The following CCDC181 variants were observed in gnomAD, a reference collection of about 807,000 sequenced individuals.
The protein encoded by CCDC181 is coiled-coil domain-containing protein 181.
CCDC181 carries 35 observed loss-of-function variants against 58.7 expected under a neutral mutation model. The observed-to-expected ratio is 0.60, with a 90% CI of 0.46 to 0.79. The LOEUF (loss-of-function observed/expected upper bound fraction) is 0.79, where lower values mean the gene tolerates loss of function less well. CCDC181 is among the 30% of genes least tolerant of loss of function. The probability of loss-of-function intolerance (pLI) is 0.00; values close to 1 mark genes in which losing one functional copy is unlikely to be tolerated. For missense variants in CCDC181, 517 were observed against 583.9 expected, an observed-to-expected ratio of 0.89 and a Z score of 1.18; for synonymous variants, 183 against 197.5, an observed-to-expected ratio of 0.93 and a Z score of 0.62.
intron 2 of CCDC181, among the ~76,000 whole-genome samples, chr1:169,448,290 A>T (rs868534437): frequency 1.3e-5 from 2 of 152,132 alleles, no homozygotes; most frequent in African/African-American, 2.4e-5. Context: ...CCTTTTTTAA[A>T]TATAAAACTA....
chr1:169,415,191 A>T (rs1258589319), intron 4 of CCDC181, among the ~76,000 whole-genome samples: 1 of 152,244 alleles, frequency 6.6e-6, no homozygotes, highest in Non-Finnish European at 1.5e-5. Flanking sequence ...TTAAAAAATT[A>T]TAATACTTGG....
intron 2 of CCDC181, among the ~76,000 whole-genome samples, chr1:169,452,399 G>A (rs1478393400): frequency 6.6e-6 from 1 of 152,052 alleles, no homozygotes; most frequent in Non-Finnish European, 1.5e-5. Context: ...AAACTAAATA[G>A]GAGAACAGAA....
intron 4 of CCDC181, among the ~76,000 whole-genome samples, chr1:169,397,907 CATTT>C (rs1304753343): frequency 1.3e-5 from 2 of 152,300 alleles, no homozygotes; most frequent in Admixed American, 1.3e-4. Context: ...AAGATACATT[CATTT>C]AATACTTCCC....
chr1:169,397,426 A>G (rs779526783), intron 4 of CCDC181, 35 bp from the exon 5 acceptor site: 1 of 1,549,106 alleles, frequency 6.5e-7, no homozygotes, highest in Non-Finnish European at 8.7e-7. Context: ...TAGTTTAGAT[A>G]AACAAGAACT....
chr1:169,400,711 A>G (rs548264830), intron 4 of CCDC181, among the ~76,000 whole-genome samples: 17 of 152,246 alleles, frequency 1.1e-4, no homozygotes, highest in Non-Finnish European at 2.4e-4. Flanking sequence ...AAGATGGCCA[A>G]ATAGGAACAG....
chr1:169,404,809 G>T (rs574912472), intron 4 of CCDC181, among the ~76,000 whole-genome samples: 29 of 152,264 alleles, frequency 1.9e-4, no homozygotes, highest in Non-Finnish European at 2.9e-4. Flanking sequence ...GTTCTGGACA[G>T]GGCAATCAGG....
intron 4 of CCDC181, among the ~76,000 whole-genome samples, chr1:169,407,070 A>G (rs1348066437): frequency 1.3e-5 from 2 of 151,878 alleles, no homozygotes; most frequent in East Asian, 3.8e-4. Context: ...AAAAAAAAAA[A>G]AAAAGCCTTT....
At chr1:169,415,670 C>T (rs1302024887) in intron 4 of CCDC181, among the ~76,000 whole-genome samples, 1 of 152,118 alleles carries the variant, frequency 6.6e-6, no homozygotes, top group Non-Finnish European at 1.5e-5. Flanking sequence ...ACATTTGTAT[C>T]ATTTGGCTCT....
At chr1:169,426,153 A>G (rs748300958) in intron 1 of CCDC181, among the ~76,000 whole-genome samples, 10 of 152,166 alleles carry the variant, frequency 6.6e-5, no homozygotes, top group Non-Finnish European at 1.2e-4. Flanking sequence ...AAAACAAAAA[A>G]ACACCCTCAT....
In CCDC181 at chr1:169,424,830, CT is replaced by C; in HGVS notation, c.97del (p.Ser33ValfsTer5). ...LEWLINENEK[S>X]DASIIEMACE... The stretch of plus-strand genomic sequence containing the variant: ...ATATACCTCTATTATGCTGGCATCA[CT>C]TTTTTCATTTTCATTAATTAACCAC... On this transcript the variant is annotated frameshift_variant, in exon 2 of 6. Transcript: ENST00000367806. LOFTEE classifies it high-confidence loss of function. 1 of 1,591,594 alleles carries C rather than the reference CT, an allele frequency of 6.3e-7. No homozygotes were observed. Among genetic ancestry groups the C allele is most frequent in the Non-Finnish European group, 8.6e-7 (1 of 1,162,760 alleles).
intron 5 of CCDC181, among the ~76,000 whole-genome samples, chr1:169,395,495 C>A (rs1424030224): frequency 2.0e-5 from 3 of 152,048 alleles, no homozygotes; most frequent in African/African-American, 7.2e-5. Context: ...TGCTGTAGAT[C>A]CTATTCTTTT....
Position 169,424,941 on chromosome 1 carries a change from A to C in CCDC181, c.-14T>G. The C allele has an allele frequency of 6.9e-7, 1 of 1,452,432 alleles. No homozygotes were observed. The highest frequency in any genetic ancestry group is 9.6e-7 in the Non-Finnish European group (1 of 1,036,510). 90.0% of individuals were successfully genotyped at this position (1,452,432 alleles called of 1,614,324 possible). A position where few individuals can be genotyped will look rare whatever the true frequency, so the allele number is the denominator to read the frequency against. On this transcript the variant is annotated 5_prime_UTR_variant, in exon 2 of 6. Transcript: ENST00000367806. Reference sequence around the variant, plus strand: ...ATTTTCATTCATTTTCTGTTTGTGAAGGAAATATGCTGTAAGATTTTAAAA... The same window carrying C: ...ATTTTCATTCATTTTCTGTTTGTGACGGAAATATGCTGTAAGATTTTAAAA...
intron 2 of CCDC181, among the ~76,000 whole-genome samples, chr1:169,445,696 T>C (rs986987830): frequency 1.4e-4 from 21 of 152,194 alleles, no homozygotes; most frequent in African/African-American, 5.1e-4. Flanking sequence ...GAAGAGATTG[T>C]GGAGAATTGG....
At chr1:169,413,995 G>A (rs764206458) in intron 4 of CCDC181, among the ~76,000 whole-genome samples, 5 of 149,048 alleles carry the variant, frequency 3.4e-5, no homozygotes, top group Middle Eastern at 3.4e-3. Flanking sequence ...TTCTGCACAC[G>A]TATCCCAGAA....
chr1:169,457,226 A>G (rs1657698801), intron 2 of CCDC181, among the ~76,000 whole-genome samples: 1 of 152,226 alleles, frequency 6.6e-6, no homozygotes, highest in Middle Eastern at 3.4e-3. Flanking sequence ...AGTAGTTTTT[A>G]GATATCTGGC....
intron 4 of CCDC181, among the ~76,000 whole-genome samples, chr1:169,404,805 G>A (rs1374794477): frequency 2.6e-5 from 4 of 152,186 alleles, no homozygotes; most frequent in Non-Finnish European, 5.9e-5. Context: ...GGAAGTTCTG[G>A]ACAGGGCAAT....
chr1:169,412,564 C>G (rs1656027659), intron 4 of CCDC181, among the ~76,000 whole-genome samples: 1 of 152,080 alleles, frequency 6.6e-6, no homozygotes, highest in Non-Finnish European at 1.5e-5. Context: ...CCTGCATAGC[C>G]AAGATAATCT....
intron 2 of CCDC181, among the ~76,000 whole-genome samples, chr1:169,432,652 C>A (rs7545792): frequency 0.35 from 53,743 of 151,912 alleles, 11,526 homozygotes; most frequent in Non-Finnish European, 0.48. Flanking sequence ...AGATACTGCA[C>A]CATGGCCAAA....
intron 4 of CCDC181, among the ~76,000 whole-genome samples, chr1:169,404,410 A>G (rs1335208586): frequency 6.6e-6 from 1 of 152,244 alleles, no homozygotes; most frequent in Non-Finnish European, 1.5e-5. Flanking sequence ...AAAAATCCTC[A>G]ATAAAATACT....
Sources: allele counts gnomAD v4.1 joint callset (sites outside exome capture counted in the v4.1 genomes callset), GRCh38; gene constraint gnomAD v4.1.1; transcripts MANE v1.5; gene names NCBI Gene and HGNC (gene_info 2026-07-23, HGNC 2026-07-21).